RNF182: variants seen among roughly 807,000 people sequenced by gnomAD.
RNF182 encodes E3 ubiquitin-protein ligase RNF182.
A neutral mutation model predicts 14.4 loss-of-function variants in RNF182; 15 were observed. That is an observed-to-expected ratio of 1.04 (90% CI 0.70 to 1.60). The LOEUF (loss-of-function observed/expected upper bound fraction) is 1.60, where lower values mean the gene tolerates loss of function less well. RNF182 is among the 40% of genes most tolerant of loss of function. The pLI, the probability that RNF182 is intolerant of heterozygous loss-of-function variation, is 0.00. For synonymous variants in RNF182, 128 were observed against 122.9 expected (o/e 1.04, Z -0.27); for missense variants, 268 against 294.8 (o/e 0.91, Z 0.67).
rs113753175 is a variant in RNF182, at chr6:13,956,660, C to G, written c.-366-17550C>G. Among the ~76,000 whole-genome samples, 1,098 of 152,228 alleles carry G rather than the reference C, an allele frequency of 7.2e-3. 14 individuals are homozygous for G. Among genetic ancestry groups the G allele is most frequent in the African/African-American group, 0.022 (932 of 41,518 alleles). ...GTTAGACTACTCTATAATGTTCTTT[C>G]TCTGCTTAATGTATCTTGGCTCACT... On this transcript the variant is annotated intron_variant, in intron 1 of 2. Transcript: ENST00000488300.
rs769862637 is a variant in RNF182 at position 13,977,457 on chromosome 6, A to G, written c.338A>G (p.Lys113Arg). 2.1e-5 allele frequency: 34 copies of G among 1,614,002 alleles called. No homozygotes were observed. The highest frequency in any genetic ancestry group is 1.6e-4 in the Middle Eastern group (1 of 6,082). The change falls in exon 3 of 3, where the codon AAG becomes AGG. Residue 113 changes from lysine (K) to arginine (R), a missense_variant. Physicochemically the swap from Lys to Arg is conservative, Grantham distance 26. Coordinates refer to ENST00000488300, the MANE Select transcript of RNF182 (RefSeq NM_152737.4). ...CCTACTGAGCTGCTGCTCACCCCCA[A>G]GAGGCTGGCCTCTCTGGTCAGTCCT... is the stretch of plus-strand genomic sequence containing the variant. ...ENPTELLLTPKRLASLVSPSH... is the reference protein window; with the variant it reads ...ENPTELLLTPRRLASLVSPSH...
At chr6:13,966,177 A>T (rs1760024038) in intron 1 of RNF182, among the ~76,000 whole-genome samples, 1 of 152,254 alleles carries the variant, frequency 6.6e-6, no homozygotes, top group Non-Finnish European at 1.5e-5. Flanking sequence ...TCAGGAGGAA[A>T]TTTATTACTA....
chr6:13,932,603 TG>T (rs1457692215), intron 1 of RNF182, among the ~76,000 whole-genome samples: 2 of 152,348 alleles, frequency 1.3e-5, no homozygotes, highest in African/African-American at 4.8e-5. Flanking sequence ...TAAGTTCCTT[TG>T]AATATTTTGT....
chr6:13,951,860 A>G lies in RNF182; in HGVS notation c.-366-22350A>G, dbSNP rs142365424. ...CCAACAGGCTATGTGGGGGAAACAAATGAACATTTTCCATTTTGTCCAGAG... is the reference window on the plus strand; with the variant it reads ...CCAACAGGCTATGTGGGGGAAACAAGTGAACATTTTCCATTTTGTCCAGAG... On this transcript the variant is annotated intron_variant, in intron 1 of 2. Transcript: ENST00000488300. Among the ~76,000 whole-genome samples the G allele has an allele frequency of 2.0e-3, 303 of 152,340 alleles. 1 individual carries two copies. Among genetic ancestry groups the G allele is most frequent in the South Asian group, 4.8e-3 (23 of 4,830 alleles).
chr6:13,944,022 A>G (rs571701644), intron 1 of RNF182, among the ~76,000 whole-genome samples: 82 of 152,290 alleles, frequency 5.4e-4, no homozygotes, highest in African/African-American at 1.9e-3. Context: ...TAGCTTTGCA[A>G]TTTGGGACAA....
intron 1 of RNF182, among the ~76,000 whole-genome samples, chr6:13,954,648 G>C (rs1759683925): frequency 6.6e-6 from 1 of 152,026 alleles, no homozygotes; most frequent in East Asian, 1.9e-4. Flanking sequence ...TTACAGTGTG[G>C]CACAGGAAAC....
intron 1 of RNF182, among the ~76,000 whole-genome samples, chr6:13,952,591 G>A (rs562617793): frequency 5.9e-5 from 9 of 152,192 alleles, no homozygotes; most frequent in African/African-American, 2.2e-4. Flanking sequence ...CTGTGCAGAC[G>A]ATTTTCCTTT....
chr6:13,938,175 A>ATTTTTTTT (rs1169253099), intron 1 of RNF182, among the ~76,000 whole-genome samples: 7 of 92,678 alleles, frequency 7.6e-5, no homozygotes, highest in East Asian at 3.4e-4. Context: ...AATTTTTTGT[A>ATTTTTTTT]TTTTTTTTTT....
At chr6:13,962,302 T>G (rs887422560) in intron 1 of RNF182, among the ~76,000 whole-genome samples, 1 of 152,170 alleles carries the variant, frequency 6.6e-6, no homozygotes, top group African/African-American at 2.4e-5. Context: ...GAACATCGGG[T>G]TTTGTGAATG....
At chr6:13,941,783 A>T (rs951431476) in intron 1 of RNF182, among the ~76,000 whole-genome samples, 2 of 152,074 alleles carry the variant, frequency 1.3e-5, no homozygotes, top group Non-Finnish European at 2.9e-5. Flanking sequence ...TCCTTCCGTG[A>T]TGGTGTAGTG....
At chr6:13,963,280 T>A (rs778498795) in intron 1 of RNF182, among the ~76,000 whole-genome samples, 7 of 151,984 alleles carry the variant, frequency 4.6e-5, no homozygotes, top group Non-Finnish European at 1.0e-4. Context: ...CATAAAAGAG[T>A]CTTCTAGGTA....
intron 1 of RNF182, among the ~76,000 whole-genome samples, chr6:13,965,425 AT>A (rs1397942184): frequency 2.0e-5 from 3 of 152,200 alleles, no homozygotes; most frequent in African/African-American, 7.2e-5. Context: ...TAAGAAACAA[AT>A]TTTTTGAGCT....
At position 13,977,827 on chromosome 6, in the gene RNF182, T is replaced by C. The variant is rs1384135659; in HGVS notation, c.708T>C (p.Cys236=). 2 of 1,613,958 alleles carry C rather than the reference T, an allele frequency of 1.2e-6. No individual in the cohort carries two copies. Among genetic ancestry groups the C allele is most frequent in the African/African-American group, 2.7e-5 (2 of 74,912 alleles). The change falls in exon 3 of 3, where the codon TGT becomes TGC. Residue 236 remains cysteine (C), a synonymous_variant. Transcript: ENST00000488300. ...LMVYGFCQCV[C]HEFLDCMAPP... Reference sequence around the variant, plus strand: ...TGTATGGTTTTTGCCAGTGTGTTTGTCATGAATTTCTAGACTGTATGGCAC... The same window carrying C: ...TGTATGGTTTTTGCCAGTGTGTTTGCCATGAATTTCTAGACTGTATGGCAC...
At chr6:13,954,666 T>C (rs1759684396) in intron 1 of RNF182, among the ~76,000 whole-genome samples, 1 of 152,188 alleles carries the variant, frequency 6.6e-6, no homozygotes, top group South Asian at 2.1e-4. Context: ...AACTGAAAGA[T>C]TGGGCATCCT....
chr6:13,974,656 C>T (rs1760278929), intron 2 of RNF182, among the ~76,000 whole-genome samples: 1 of 152,176 alleles, frequency 6.6e-6, no homozygotes, highest in South Asian at 2.1e-4. Flanking sequence ...AAGCTTGGTA[C>T]AGAAAGTAGG....
intron 1 of RNF182, among the ~76,000 whole-genome samples, chr6:13,934,035 T>A (rs1349587519): frequency 2.6e-5 from 4 of 151,942 alleles, no homozygotes; most frequent in African/African-American, 7.3e-5. Flanking sequence ...GGAAAAAAAA[T>A]TAAAAAAAAG....
chr6:13,939,594 A>G (rs927958975), intron 1 of RNF182, among the ~76,000 whole-genome samples: 4 of 151,656 alleles, frequency 2.6e-5, no homozygotes, highest in African/African-American at 9.7e-5. Flanking sequence ...CCCACACTGG[A>G]GTGCAGTGGC....
At position 13,979,456 on chromosome 6, in the gene RNF182, T is replaced by G. The variant is rs554338374; in HGVS notation, c.*1593T>G. 6.0e-6 allele frequency: 1 copy of G among 167,118 alleles called. No individual in the cohort carries two copies. The highest frequency in any genetic ancestry group is 2.4e-5 in the African/African-American group (1 of 41,564). The allele number at this position is 167,118 out of a possible 1,614,324, so 10.4% of individuals were successfully genotyped here. Reference sequence around the variant, plus strand: ...ATTCCAACTGGAATAGCAGTTTGATTTTAATTGTAAAACTAAACTTCGGGA... The same window carrying G: ...ATTCCAACTGGAATAGCAGTTTGATGTTAATTGTAAAACTAAACTTCGGGA... On this transcript the variant is annotated 3_prime_UTR_variant, in exon 3 of 3. Transcript: ENST00000488300.
chr6:13,962,313 A>C (rs1298475672), intron 1 of RNF182, among the ~76,000 whole-genome samples: 1 of 152,232 alleles, frequency 6.6e-6, no homozygotes, highest in Non-Finnish European at 1.5e-5. Flanking sequence ...TTTGTGAATG[A>C]GCAATTGGGT....
Sources: allele counts gnomAD v4.1 joint callset (sites outside exome capture counted in the v4.1 genomes callset), GRCh38; gene constraint gnomAD v4.1.1; transcripts MANE v1.5; gene names NCBI Gene and HGNC (gene_info 2026-07-23, HGNC 2026-07-21).